Variants in ACAN observed in about 807,000 individuals in gnomAD.
ACAN encodes the protein aggrecan core protein.
In ACAN, 47 loss-of-function variants were observed where a neutral mutation model predicts 169.1. The ratio of observed to expected loss-of-function variants is 0.28; its 90% CI spans 0.22 to 0.35. ACAN has a LOEUF of 0.35. Among genes scored for constraint, ACAN ranks in the 10% least tolerant of loss-of-function variants. The pLI is 1.00. For missense variants in ACAN, 2,716 were observed against 2,759.9 expected (o/e 0.98, Z 0.36); for synonymous variants, 1,115 against 1,112.2 (o/e 1.00, Z -0.05).
chr15:88,849,230 C>A lies in ACAN; in HGVS notation c.1733-208C>A, dbSNP rs1896870870. On this transcript the variant is annotated intron_variant, in intron 9 of 18. Coordinates refer to ENST00000560601, the MANE Select transcript of ACAN (RefSeq NM_001369268.1). The surrounding 1 kb of genome is among the most constrained non-coding windows in gnomAD (Gnocchi z 5.1). The stretch of plus-strand genomic sequence containing the variant: ...ACCGAAAGTCCTATGTACCGGGAAA[C>A]CCCAGTCCAGTACAAACCAGAGCGG... 6.6e-6 allele frequency among the ~76,000 whole-genome samples: 1 copy of A among 152,210 alleles called. No individual in the cohort carries two copies.
Position 88,838,968 on chromosome 15 carries a change from A to C in ACAN, c.376A>C (p.Asn126His), listed in dbSNP as rs780095199. ...CTTGGAAGTCCAGAGCCTGCGCTCCAATGACTCTGGGGTCTACCGCTGCGA... is the reference window on the plus strand; with the variant it reads ...CTTGGAAGTCCAGAGCCTGCGCTCCCATGACTCTGGGGTCTACCGCTGCGA... ...ATLEVQSLRS[N>H]DSGVYRCEVM... The change falls in exon 3 of 19, where the codon AAT becomes CAT. Residue 126 changes from asparagine (N) to histidine (H), a missense_variant. By Grantham distance (68) the Asn-to-His change is moderately conservative (BLOSUM62 1). Coordinates refer to ENST00000560601, the MANE Select transcript of ACAN (RefSeq NM_001369268.1). The surrounding 1 kb of genome is among the most constrained non-coding windows in gnomAD (Gnocchi z 5.1). 5.0e-6 allele frequency: 8 copies of C among 1,613,360 alleles called. No individual in the cohort carries two copies. The South Asian group carries it at 7.7e-5, about 15-fold the overall frequency.
chr15:88,811,739 C>T (rs1386524595), intron 1 of ACAN, among the ~76,000 whole-genome samples: 1 of 152,148 alleles, frequency 6.6e-6, no homozygotes, highest in Non-Finnish European at 1.5e-5. Flanking sequence ...CAGTGGGTGC[C>T]AGTCCCCTGG....
intron 6 of ACAN, 36 bp from the exon 7 acceptor site, chr15:88,845,469 C>A: frequency 6.4e-7 from 1 of 1,562,136 alleles, no homozygotes; most frequent in South Asian, 1.2e-5. Flanking sequence ...CGGTCCCAGG[C>A]TGAGAGGCTA....
chr15:88,845,371 GC>G, intron 6 of ACAN, 133 bp from the exon 7 acceptor site: 3 of 1,336,372 alleles, frequency 2.2e-6, no homozygotes, highest in Non-Finnish European at 3.0e-6. Context: ...TTGGCAAGGT[GC>G]CTGGCACACA....
In ACAN at chr15:88,868,112, G is replaced by C. The variant is rs1206930988; in HGVS notation, c.6947-104G>C. 1.6e-6 allele frequency: 1 copy of C among 626,476 alleles called. No individual in the cohort carries two copies. Among genetic ancestry groups the C allele is most frequent in the Admixed American group, 2.6e-5 (1 of 38,552 alleles). The allele number at this position is 626,476 out of a possible 1,614,324, so 38.8% of individuals were successfully genotyped here. ...GGAAAACCAGCCAGTTCCCTCCCAG[G>C]GGTCTGGAGAGCAGCAGGACTGGCC... On this transcript the variant is annotated intron_variant, in intron 13 of 18. Coordinates refer to ENST00000560601, the MANE Select transcript of ACAN (RefSeq NM_001369268.1). This position sits in a 1 kb window ranked among gnomAD's most constrained non-coding sequence, Gnocchi z 5.2.
In ACAN at chr15:88,859,305, C is replaced by T. The variant is rs748609736; in HGVS notation, c.6720C>T (p.Ser2240=). The change falls in exon 12 of 19, where the codon AGC becomes AGT. Residue 2240 remains serine (S), a synonymous_variant. Transcript: ENST00000560601. The part of the protein sequence containing the change: ...AETHLEIESS[S]LLYSGEETHT... ...CGCATCTAGAAATTGAGTCCTCAAGCCTCCTGTACTCAGGAGAAGAGACTC... is the reference window on the plus strand; with the variant it reads ...CGCATCTAGAAATTGAGTCCTCAAGTCTCCTGTACTCAGGAGAAGAGACTC... The T allele has an allele frequency of 9.3e-5, 150 of 1,612,156 alleles. No homozygotes were observed. The highest frequency in any genetic ancestry group is 1.2e-4 in the Non-Finnish European group (146 of 1,179,138).
rs538742138 is a variant in ACAN, at chr15:88,839,107, C to G, written c.454+61C>G. ...CCACATAAAGAACCAGAGCAGTCTC[C>G]GCAGTGCAGGCGCAGGCAGGCTGGC... On this transcript the variant is annotated intron_variant, in intron 3 of 18. Coordinates refer to ENST00000560601, the MANE Select transcript of ACAN (RefSeq NM_001369268.1). This position sits in a 1 kb window ranked among gnomAD's most constrained non-coding sequence, Gnocchi z 4.5. The G allele has an allele frequency of 2.5e-6, 4 of 1,573,236 alleles. No homozygotes were observed. The highest frequency in any genetic ancestry group is 1.3e-5 in the African/African-American group (1 of 74,524).
intron 1 of ACAN, among the ~76,000 whole-genome samples, chr15:88,817,234 C>T (rs912328193): frequency 2.6e-5 from 4 of 152,098 alleles, no homozygotes; most frequent in Admixed American, 6.6e-5. Context: ...CTCTGCCTCC[C>T]GGGTTCAAGC....
intron 1 of ACAN, among the ~76,000 whole-genome samples, chr15:88,824,277 TTGCGCCAC>T (rs1896152612): frequency 6.6e-6 from 1 of 151,810 alleles, no homozygotes; most frequent in South Asian, 2.1e-4. Flanking sequence ...TAAGCCAAGA[TTGCGCCAC>T]TGCACTCCCG....
chr15:88,850,005 A>T (rs1362291457), intron 10 of ACAN: 2 of 607,688 alleles, frequency 3.3e-6, no homozygotes, highest in African/African-American at 3.7e-5. Flanking sequence ...AATTTGAGTT[A>T]TGGCTCTGCT....
chr15:88,822,882 C>T (rs528337957), intron 1 of ACAN, among the ~76,000 whole-genome samples: 1 of 152,270 alleles, frequency 6.6e-6, no homozygotes, highest in East Asian at 1.9e-4. Context: ...TCCAAGAACC[C>T]GAGCATCTGT....
chr15:88,854,855 T>A lies in ACAN; in HGVS notation c.2270T>A (p.Ile757Asn), dbSNP rs1487920540. 6.7e-7 allele frequency: 1 copy of A among 1,481,766 alleles called. No individual in the cohort carries two copies. Among genetic ancestry groups the A allele is most frequent in the South Asian group, 1.5e-5 (1 of 65,658 alleles). 91.8% of individuals were successfully genotyped at this position (1,481,766 alleles called of 1,614,324 possible). A position where few individuals can be genotyped will look rare whatever the true frequency, so the allele number is the denominator to read the frequency against. ...TPVGTSPLPG[I>N]LPTWPPTGAA... ...CTTTCTTCCTTCTTTCCTACAGGGA[T>A]CCTTCCTACTTGGCCTCCCACTGGC... Residue 757 changes from isoleucine (I) to asparagine (N), a missense_variant, in exon 12 of 19, where the codon ATC becomes AAC. By Grantham distance (149) the Ile-to-Asn change is moderately radical. Transcript: ENST00000560601.
intron 1 of ACAN, among the ~76,000 whole-genome samples, chr15:88,819,898 G>A (rs1896031295): frequency 1.3e-5 from 2 of 152,200 alleles, no homozygotes. Context: ...CACATGGGAA[G>A]CAGGGAACTA....
rs775284192 is a variant in ACAN at position 88,866,209 on chromosome 15, C to G, written c.6947-2007C>G. On this transcript the variant is annotated intron_variant, in intron 13 of 18. Transcript: ENST00000560601. The surrounding 1 kb of genome is among the most constrained non-coding windows in gnomAD (Gnocchi z 5.6). The stretch of plus-strand genomic sequence containing the variant: ...ACCTCCGCTGGGGTGTCTTTCCTTT[C>G]CTGCCCTTTCTCCCATGGGCAGCCA... Among the ~76,000 whole-genome samples the G allele has an allele frequency of 6.6e-6, 1 of 152,162 alleles. No individual in the cohort carries two copies. The highest frequency in any genetic ancestry group is 1.5e-5 in the Non-Finnish European group (1 of 68,028).
Position 88,839,995 on chromosome 15 carries a change from G to C in ACAN, c.455-17G>C. ...CTGACCAGCTCTTCCGCTTGTGGGC[G>C]TGTATGTGTCTTGCAGGCATCGTGT... On this transcript the variant is annotated splice_polypyrimidine_tract_variant and intron_variant, in intron 3 of 18. Coordinates refer to ENST00000560601, the MANE Select transcript of ACAN (RefSeq NM_001369268.1). The surrounding 1 kb of genome is among the most constrained non-coding windows in gnomAD (Gnocchi z 4.5). 6.3e-7 allele frequency: 1 copy of C among 1,589,678 alleles called. No homozygotes were observed. Among genetic ancestry groups the C allele is most frequent in the Non-Finnish European group, 8.6e-7 (1 of 1,166,896 alleles).
chr15:88,805,566 C>G, intron 1 of ACAN, among the ~76,000 whole-genome samples: 1 of 152,126 alleles, frequency 6.6e-6, no homozygotes, highest in East Asian at 1.9e-4. Context: ...TCTCCAATAT[C>G]TGCTGAGCGC....
chr15:88,868,995 G>A lies in ACAN; in HGVS notation c.7060+666G>A, dbSNP rs866748483. ...AAGGGTGGCCAGAGAGAACAGAACTGTGTTACAAGGGGGAGGACTGAGTTA... is the reference window on the plus strand; with the variant it reads ...AAGGGTGGCCAGAGAGAACAGAACTATGTTACAAGGGGGAGGACTGAGTTA... On this transcript the variant is annotated intron_variant, in intron 14 of 18. Coordinates refer to ENST00000560601, the MANE Select transcript of ACAN (RefSeq NM_001369268.1). This position sits in a 1 kb window ranked among gnomAD's most constrained non-coding sequence, Gnocchi z 5.2. 7.9e-5 allele frequency among the ~76,000 whole-genome samples: 12 copies of A among 152,340 alleles called. No individual in the cohort carries two copies. The Middle Eastern group carries it at 0.024, about 302-fold the overall frequency.
Position 88,845,841 on chromosome 15 carries a change from T to G in ACAN, c.1388T>G (p.Val463Gly). 6.0e-6 allele frequency: 9 copies of G among 1,490,262 alleles called. No individual in the cohort carries two copies. The highest frequency in any genetic ancestry group is 8.1e-6 in the Non-Finnish European group (9 of 1,117,020). The allele number at this position is 1,490,262 out of a possible 1,614,324, so 92.3% of individuals were successfully genotyped here. Reference sequence around the variant, plus strand: ...GCATTCACCAGTGAGGACCTCGTCGTGCAGGTGACCGCTGTCCCTGGGCAG... The same window carrying G: ...GCATTCACCAGTGAGGACCTCGTCGGGCAGGTGACCGCTGTCCCTGGGCAG... ...ATAFTSEDLV[V>G]QVTAVPGQPH... Residue 463 changes from valine (V) to glycine (G), a missense_variant, in exon 7 of 19, where the codon GTG becomes GGG. By Grantham distance (109) the Val-to-Gly change is moderately radical. Transcript: ENST00000560601.
chr15:88,858,805 T>G lies in ACAN; in HGVS notation c.6220T>G (p.Ser2074Ala). The G allele has an allele frequency of 6.2e-7, 1 of 1,613,876 alleles. No individual in the cohort carries two copies. The highest frequency in any genetic ancestry group is 8.5e-7 in the Non-Finnish European group (1 of 1,179,858). The change falls in exon 12 of 19, where the codon TCC becomes GCC. Residue 2074 changes from serine to alanine, a missense_variant. Ser to Ala is a moderately conservative substitution (Grantham distance 99). This residue lies in a region of ACAN where 1,389 missense variants were observed against 1,363.7 expected (regional missense o/e 1.02). Transcript: ENST00000560601. This position sits in a 1 kb window ranked among gnomAD's most constrained non-coding sequence, Gnocchi z 4.0. ...GCTTTTTGAGTCCAGTGGAAAAGTC[T>G]CCACAGCTGGGGACATTAGTGGAGC... The part of the protein sequence containing the change: ...PQLFESSGKV[S>A]TAGDISGATP...
Sources: gnomAD v4.1 joint callset for allele counts (sites outside exome capture counted in the v4.1 genomes callset) on GRCh38, gnomAD v4.1.1 for gene constraint, gnomAD v4.1.1 regional missense constraint, Gnocchi (gnomAD v3.1) non-coding constraint, MANE v1.5 for transcripts, NCBI Gene and HGNC (gene_info 2026-07-23, HGNC 2026-07-21) for gene names.